The following DIMT1 variants were observed in gnomAD, a reference collection of about 807,000 sequenced individuals.
DIMT1 encodes dimethyladenosine transferase.
Under a neutral mutation model 43.2 loss-of-function variants are expected in DIMT1, and 36 were observed. The ratio of observed to expected loss-of-function variants is 0.83; its 90% CI spans 0.64 to 1.10. DIMT1 has a LOEUF of 1.10. Ranked by LOEUF, DIMT1 falls within the 50% of genes least tolerant of loss-of-function variation. DIMT1 has a pLI of 0.00. For missense variants in DIMT1, 341 were observed against 385.3 expected (o/e 0.88, Z 0.96); for synonymous variants, 126 against 130.3 (o/e 0.97, Z 0.22).
chr5:62,402,971 C>A, intron 2 of DIMT1, among the ~76,000 whole-genome samples: 1 of 152,070 alleles, frequency 6.6e-6, no homozygotes, highest in Non-Finnish European at 1.5e-5. Flanking sequence ...TACATAAAAA[C>A]TAAGTGATCA....
At chr5:62,399,854 C>T (rs931472624) in intron 3 of DIMT1, among the ~76,000 whole-genome samples, 2 of 151,878 alleles carry the variant, frequency 1.3e-5, no homozygotes. Context: ...TGCAGTGAGC[C>T]GAGATCGCGC....
At chr5:62,391,003 A>G (rs1367076435) in intron 10 of DIMT1, 21 bp from the exon 11 acceptor site, 1 of 1,596,656 alleles carries the variant, frequency 6.3e-7, no homozygotes, top group Non-Finnish European at 8.6e-7. Context: ...AAGATTCAGA[A>G]TAAATGAACG....
chr5:62,403,872 C>A lies in DIMT1; in HGVS notation c.-100G>T. ...GTGGGGATCGCCGCCACGCGCCGCCCGCACCACTCTGGCCCAAGCGCCGGA... is the reference window on the plus strand; with the variant it reads ...GTGGGGATCGCCGCCACGCGCCGCCAGCACCACTCTGGCCCAAGCGCCGGA... On this transcript the variant is annotated 5_prime_UTR_variant, in exon 1 of 12. Transcript: ENST00000199320. 5 of 1,307,426 alleles carry A rather than the reference C, an allele frequency of 3.8e-6. No individual in the cohort carries two copies. Among genetic ancestry groups the A allele is most frequent in the South Asian group, 1.3e-5 (1 of 74,400 alleles). 81.0% of individuals were successfully genotyped at this position (1,307,426 alleles called of 1,614,324 possible).
chr5:62,397,035 C>T (rs1015329242), intron 6 of DIMT1, among the ~76,000 whole-genome samples: 7 of 152,136 alleles, frequency 4.6e-5, no homozygotes, highest in African/African-American at 1.4e-4. Context: ...CTACAACCTC[C>T]GCCTCCTGAG....
intron 11 of DIMT1, 37 bp from the exon 12 acceptor site, chr5:62,389,089 G>A: frequency 6.3e-7 from 1 of 1,578,256 alleles, no homozygotes; most frequent in Non-Finnish European, 8.7e-7. Flanking sequence ...GTACTGAAAA[G>A]CTAATTTGTA....
chr5:62,394,400 C>A lies in DIMT1; in HGVS notation c.570+84G>T. The A allele has an allele frequency of 6.5e-6, 9 of 1,389,420 alleles. No individual in the cohort carries two copies. The South Asian group carries it at 1.1e-4, about 17-fold the overall frequency. 86.1% of individuals were successfully genotyped at this position (1,389,420 alleles called of 1,614,324 possible). A position where few individuals can be genotyped will look rare whatever the true frequency, so the allele number is the denominator to read the frequency against. Reference sequence around the variant, plus strand: ...TTGCTTGAGTATGGGAGGCAGAGATCGCAGTGAGCCACTGCACTGCAGCCT... The same window carrying A: ...TTGCTTGAGTATGGGAGGCAGAGATAGCAGTGAGCCACTGCACTGCAGCCT... On this transcript the variant is annotated intron_variant, in intron 7 of 11. Coordinates refer to ENST00000199320, the MANE Select transcript of DIMT1 (RefSeq NM_014473.4).
intron 3 of DIMT1, among the ~76,000 whole-genome samples, 166 bp downstream of exon 3, chr5:62,401,870 C>T (rs1306197126): frequency 6.6e-6 from 1 of 152,058 alleles, no homozygotes; most frequent in Non-Finnish European, 1.5e-5. Flanking sequence ...CGTGAGCCAC[C>T]GCGCCTGGCT....
intron 9 of DIMT1, 48 bp from the exon 10 acceptor site, chr5:62,392,282 T>C (rs763995129): frequency 1.3e-6 from 2 of 1,539,838 alleles, no homozygotes; most frequent in East Asian, 4.5e-5. Flanking sequence ...AAAGTCAGAG[T>C]AATTTCTTAC....
Position 62,394,496 on chromosome 5 carries a change from G to A in DIMT1, c.558C>T (p.Asp186=). 1 of 1,614,116 alleles carries A rather than the reference G, an allele frequency of 6.2e-7. No homozygotes were observed. The highest frequency in any genetic ancestry group is 8.5e-7 in the Non-Finnish European group (1 of 1,180,002). Reference sequence around the variant, plus strand: ...AAAATTCACTTACTTTCATTAGATGGTCCACACGTGCCAACAGCTGTGTAT... The same window carrying A: ...AAAATTCACTTACTTTCATTAGATGATCCACACGTGCCAACAGCTGTGTAT... The part of the protein sequence containing the change: ...SINTQLLARV[D]HLMKVGKNNF... The change falls in exon 7 of 12, where the codon GAC becomes GAT. Residue 186 remains aspartate (D), a synonymous_variant. Coordinates refer to ENST00000199320, the MANE Select transcript of DIMT1 (RefSeq NM_014473.4).
intron 11 of DIMT1, 31 bp downstream of exon 11, chr5:62,390,845 T>A (rs1427293785): frequency 6.4e-7 from 1 of 1,574,496 alleles, no homozygotes; most frequent in African/African-American, 1.4e-5. Context: ...TAAAGAAATG[T>A]AAACACTTAG....
intron 6 of DIMT1, chr5:62,398,297 G>A: frequency 3.8e-6 from 2 of 521,346 alleles, no homozygotes; most frequent in South Asian, 5.5e-5. Flanking sequence ...TCAAAAATAG[G>A]GAAAGGCTGT....
At chr5:62,397,939 A>C (rs957736693) in intron 6 of DIMT1, among the ~76,000 whole-genome samples, 1 of 152,028 alleles carries the variant, frequency 6.6e-6, no homozygotes, top group Non-Finnish European at 1.5e-5. Flanking sequence ...TGACTCCATA[A>C]ACTTTTTGTA....
intron 1 of DIMT1, 76 bp downstream of exon 1, chr5:62,403,618 T>C (rs1364563325): frequency 1.3e-6 from 2 of 1,506,098 alleles, no homozygotes; most frequent in Admixed American, 3.9e-5. Context: ...CGATCAGGTC[T>C]TGGTCCGCAC....
chr5:62,395,611 T>G (rs1216719841), intron 6 of DIMT1, among the ~76,000 whole-genome samples: 1 of 152,164 alleles, frequency 6.6e-6, no homozygotes, highest in African/African-American at 2.4e-5. Flanking sequence ...TGGTCATGAC[T>G]CATTAATTTT....
intron 2 of DIMT1, among the ~76,000 whole-genome samples, chr5:62,402,880 C>T (rs2112060279): frequency 6.6e-6 from 1 of 152,200 alleles, no homozygotes; most frequent in Non-Finnish European, 1.5e-5. Context: ...CTAGCATACA[C>T]CAAATAATTT....
At chr5:62,389,398 T>A (rs1232734977) in intron 11 of DIMT1, among the ~76,000 whole-genome samples, 1 of 146,604 alleles carries the variant, frequency 6.8e-6, no homozygotes, top group Non-Finnish European at 1.5e-5. Context: ...AGGCAGGAGA[T>A]TTGCCTGAAC....
At chr5:62,398,374 C>A (rs1331334304) in intron 6 of DIMT1, 137 bp downstream of exon 6, 2 of 816,476 alleles carry the variant, frequency 2.4e-6, no homozygotes, top group East Asian at 4.9e-5. Flanking sequence ...GAGAGAAAGA[C>A]CTCCATACAA....
intron 2 of DIMT1, 143 bp from the exon 3 acceptor site, chr5:62,402,265 G>A: frequency 1.3e-6 from 1 of 791,456 alleles, no homozygotes; most frequent in East Asian, 2.9e-5. Context: ...TGATCTACGT[G>A]GTTAACAAAA....
intron 1 of DIMT1, 47 bp downstream of exon 1, chr5:62,403,647 G>A (rs762322481): frequency 5.7e-6 from 9 of 1,569,314 alleles, no homozygotes; most frequent in South Asian, 1.1e-5. Flanking sequence ...AGGTCCTGCC[G>A]GAAGACCTGA....
Sources: gnomAD v4.1 joint callset for allele counts (sites outside exome capture counted in the v4.1 genomes callset) on GRCh38, gnomAD v4.1.1 for gene constraint, MANE v1.5 for transcripts, NCBI Gene and HGNC (gene_info 2026-07-23, HGNC 2026-07-21) for gene names.